Variants in ESR2 observed in about 807,000 individuals in gnomAD.
ESR2 encodes the protein estrogen receptor 2.
A neutral mutation model predicts 49.6 loss-of-function variants in ESR2; 36 were observed. The observed-to-expected ratio is 0.73, with a 90% confidence interval of 0.56 to 0.96. The LOEUF is 0.96. ESR2 is among the 40% of genes least tolerant of loss of function. ESR2 has a pLI of 0.00. For synonymous variants in ESR2, 320 were observed against 266.1 expected, an observed-to-expected ratio of 1.20 and a Z score of -1.97; for missense variants, 714 against 693.0, an observed-to-expected ratio of 1.03 and a Z score of -0.34.
chr14:64,326,445 ATTAT>A (rs2077391361), intron 1 of ESR2, among the ~76,000 whole-genome samples: 1 of 152,098 alleles, frequency 6.6e-6, no homozygotes, highest in African/African-American at 2.4e-5. Flanking sequence ...TTATTATTTA[ATTAT>A]TTATTATTCT....
chr14:64,299,925 C>G (rs1164256077), intron 1 of ESR2, among the ~76,000 whole-genome samples: 1 of 152,160 alleles, frequency 6.6e-6, no homozygotes, highest in Non-Finnish European at 1.5e-5. Flanking sequence ...GTTTCTCTTC[C>G]TTTTACATTC....
intron 6 of ESR2, among the ~76,000 whole-genome samples, chr14:64,253,079 C>T (rs937837383): frequency 2.0e-5 from 3 of 152,148 alleles, no homozygotes; most frequent in Admixed American, 1.3e-4. Flanking sequence ...TGGTCTTGAA[C>T]TCCTGACCTC....
chr14:64,239,180 A>G (rs961934866), intron 7 of ESR2, among the ~76,000 whole-genome samples: 8 of 152,226 alleles, frequency 5.3e-5, no homozygotes, highest in Admixed American at 2.0e-4. Flanking sequence ...ACATGAGGGC[A>G]GATGGGACTC....
chr14:64,267,856 T>A (rs565241243), intron 4 of ESR2, among the ~76,000 whole-genome samples: 40 of 147,462 alleles, frequency 2.7e-4, no homozygotes, highest in Admixed American at 2.4e-3. Context: ...TGCACTCCAG[T>A]CTGGGTGACA....
chr14:64,265,588 C>G (rs2140748712), intron 4 of ESR2, among the ~76,000 whole-genome samples: 1 of 152,322 alleles, frequency 6.6e-6, no homozygotes, highest in Admixed American at 6.5e-5. Flanking sequence ...AAAGATATGG[C>G]ACCCAAAATA....
intron 1 of ESR2, among the ~76,000 whole-genome samples, chr14:64,319,786 G>T (rs745583511): frequency 5.3e-5 from 8 of 152,202 alleles, no homozygotes; most frequent in Non-Finnish European, 7.3e-5. Flanking sequence ...CCAAATGCTG[G>T]TGAGGATGTG....
At chr14:64,243,012 A>T (rs1218567940) in intron 7 of ESR2, among the ~76,000 whole-genome samples, 1 of 152,232 alleles carries the variant, frequency 6.6e-6, no homozygotes. Context: ...ATTCACTATC[A>T]TGAGAACAGC....
intron 3 of ESR2, among the ~76,000 whole-genome samples, chr14:64,272,584 G>T (rs2076473379): frequency 6.6e-6 from 1 of 152,108 alleles, no homozygotes; most frequent in African/African-American, 2.4e-5. Flanking sequence ...TATGGTGAGA[G>T]ATAGGGATCT....
At chr14:64,247,162 T>C (rs2075877806) in intron 7 of ESR2, among the ~76,000 whole-genome samples, 1 of 152,244 alleles carries the variant, frequency 6.6e-6, no homozygotes, top group Admixed American at 6.5e-5. Flanking sequence ...GGAACATTTT[T>C]AGCAATCGAC....
At chr14:64,228,192 C>T (rs1384877666), downstream of ESR2, 1 of 579,912 alleles carries the variant, frequency 1.7e-6, no homozygotes, top group Non-Finnish European at 2.7e-6. Flanking sequence ...CCCAGGAAGA[C>T]TAGCCCTGGT....
chr14:64,260,009 A>G (rs1279417031), intron 5 of ESR2, among the ~76,000 whole-genome samples: 1 of 152,046 alleles, frequency 6.6e-6, no homozygotes, highest in Non-Finnish European at 1.5e-5. Context: ...CCAATTCCAG[A>G]GCCTAGGTAG....
At chr14:64,234,021 A>G (rs1256064) in intron 8 of ESR2, 37,756 of 152,074 alleles carry the variant, frequency 0.25, 7,348 homozygotes, top group East Asian at 0.55. Flanking sequence ...CTGGGACTGT[A>G]CATAAAGGGC....
chr14:64,314,260 C>T (rs1418882861), intron 1 of ESR2, among the ~76,000 whole-genome samples: 1 of 150,044 alleles, frequency 6.7e-6, no homozygotes, highest in Non-Finnish European at 1.5e-5. Flanking sequence ...ACAAGTACTC[C>T]TAAATAAAAC....
upstream of ESR2, among the ~76,000 whole-genome samples, chr14:64,296,946 A>C (rs1204244226): frequency 6.6e-6 from 1 of 152,136 alleles, no homozygotes; most frequent in African/African-American, 2.4e-5. Context: ...TGATTATTCC[A>C]ATTCTACCTG....
intron 1 of ESR2, among the ~76,000 whole-genome samples, chr14:64,321,046 C>T (rs1318628234): frequency 6.6e-6 from 1 of 151,776 alleles, no homozygotes; most frequent in Non-Finnish European, 1.5e-5. Flanking sequence ...TAATTGCTTC[C>T]AAAAATAAAG....
chr14:64,337,015 C>G (rs1555601035), intron 1 of ESR2, among the ~76,000 whole-genome samples: 2 of 152,170 alleles, frequency 1.3e-5, no homozygotes, highest in Non-Finnish European at 1.5e-5. Context: ...TCCTCCCCAC[C>G]AGAAGATGAG....
At chr14:64,233,704 T>C in intron 8 of ESR2, 1 of 187,486 alleles carries the variant, frequency 5.3e-6, no homozygotes, top group Non-Finnish European at 1.1e-5. Flanking sequence ...ATACAAAACC[T>C]TGTTTTATGT....
At chr14:64,288,832 C>G (rs759176869) in intron 1 of ESR2, among the ~76,000 whole-genome samples, 6 of 151,120 alleles carry the variant, frequency 4.0e-5, no homozygotes, top group Non-Finnish European at 7.4e-5. Context: ...ACTAAAAATA[C>G]AAAATTAGCC....
intron 1 of ESR2, among the ~76,000 whole-genome samples, chr14:64,334,680 CT>C: frequency 6.6e-6 from 1 of 152,216 alleles, no homozygotes; most frequent in East Asian, 1.9e-4. Flanking sequence ...GACATTTGCT[CT>C]TGTTGCCCAG....
Sources: gnomAD v4.1 joint callset for allele counts (sites outside exome capture counted in the v4.1 genomes callset) on GRCh38, gnomAD v4.1.1 for gene constraint, MANE v1.5 for transcripts, NCBI Gene and HGNC (gene_info 2026-07-23, HGNC 2026-07-21) for gene names.